Variants in ZNF609 observed in about 807,000 individuals in gnomAD.
The protein encoded by ZNF609 is zinc finger protein 609.
In ZNF609, 11 loss-of-function variants were observed where a neutral mutation model predicts 109.5. The ratio of observed to expected loss-of-function variants is 0.10; its 90% CI spans 0.06 to 0.17. ZNF609 has a LOEUF of 0.17. Among genes scored for constraint, ZNF609 ranks in the 10% least tolerant of loss-of-function variants. ZNF609 has a pLI of 1.00. For missense variants in ZNF609, 1,559 were observed against 1,772.4 expected (o/e 0.88, Z 2.16); for synonymous variants, 646 against 662.0 (o/e 0.98, Z 0.37).
chr15:64,603,879 A>G (rs1038514973), intron 2 of ZNF609, among the ~76,000 whole-genome samples: 7 of 151,522 alleles, frequency 4.6e-5, no homozygotes, highest in African/African-American at 1.7e-4. Context: ...GGCACCTGTA[A>G]TCCCAGCTAC....
At chr15:64,657,193 AG>A (rs1896502694) in intron 3 of ZNF609, among the ~76,000 whole-genome samples, 1 of 150,772 alleles carries the variant, frequency 6.6e-6, no homozygotes, top group African/African-American at 2.4e-5. Flanking sequence ...CAGGAGGTGA[AG>A]GGTTGCAGTG....
intron 2 of ZNF609, among the ~76,000 whole-genome samples, chr15:64,600,423 C>A (rs1421054317): frequency 7.4e-6 from 1 of 135,126 alleles, no homozygotes; most frequent in Non-Finnish European, 1.5e-5. Context: ...GCACTCCAGC[C>A]TGGGCGACAG....
intron 1 of ZNF609, among the ~76,000 whole-genome samples, chr15:64,492,682 T>C (rs1326021680): frequency 1.3e-5 from 2 of 152,208 alleles, no homozygotes; most frequent in African/African-American, 4.8e-5. Context: ...GTACCCAGCT[T>C]TGACTTGTCT....
At chr15:64,551,689 A>G (rs1309200615) in intron 2 of ZNF609, among the ~76,000 whole-genome samples, 1 of 148,062 alleles carries the variant, frequency 6.8e-6, no homozygotes, top group African/African-American at 2.5e-5. Context: ...TAGATGTCTC[A>G]GGGAAGGGAT....
At chr15:64,472,406 G>T (rs1029162849) in intron 1 of ZNF609, among the ~76,000 whole-genome samples, 8 of 152,198 alleles carry the variant, frequency 5.3e-5, no homozygotes, top group African/African-American at 1.9e-4. Flanking sequence ...TTAGACTGTA[G>T]TTCAGTATTT....
At chr15:64,638,592 T>C (rs1896212465) in intron 3 of ZNF609, among the ~76,000 whole-genome samples, 1 of 152,066 alleles carries the variant, frequency 6.6e-6, no homozygotes, top group Non-Finnish European at 1.5e-5. Flanking sequence ...TTTAGGGATC[T>C]TGTTTAAAAT....
chr15:64,539,470 GT>G (rs1894212659), intron 2 of ZNF609, among the ~76,000 whole-genome samples: 1 of 151,202 alleles, frequency 6.6e-6, no homozygotes, highest in South Asian at 2.1e-4. Context: ...GCCTCCCCAA[GT>G]GCTGGGATTA....
At position 64,685,110 on chromosome 15, in the gene ZNF609, A is replaced by C. The variant is rs1018216321; in HGVS notation, c.*3424A>C. On this transcript the variant is annotated 3_prime_UTR_variant, in exon 10 of 10. Transcript: ENST00000326648. ...GCGTTGCTCTGTTGAATTTAATTTC[A>C]GTCTTCCTGATTCTTCCCTTCTGTA... The C allele has an allele frequency of 1.1e-4, 17 of 152,364 alleles. No individual in the cohort carries two copies. Among genetic ancestry groups the C allele is most frequent in the African/African-American group, 3.9e-4 (16 of 41,452 alleles). 9.4% of individuals were successfully genotyped at this position (152,364 alleles called of 1,614,324 possible).
Position 64,648,824 on chromosome 15 carries a change from T to C in ZNF609, c.974-21522T>C, listed in dbSNP as rs201399289. 1.8e-4 allele frequency among the ~76,000 whole-genome samples: 28 copies of C among 152,090 alleles called. 1 individual carries two copies. The East Asian group carries it at 4.2e-3, about 23-fold the overall frequency. On this transcript the variant is annotated intron_variant, in intron 3 of 9. Coordinates refer to ENST00000326648, the MANE Select transcript of ZNF609 (RefSeq NM_015042.2). ...TGTATCTGGGACTAAGCATCCTTTC[T>C]GTATCATTAGGACTTGGGAAACTTC...
intron 2 of ZNF609, among the ~76,000 whole-genome samples, chr15:64,557,930 C>T (rs1222074150): frequency 6.6e-6 from 1 of 152,084 alleles, no homozygotes; most frequent in Admixed American, 6.6e-5. Flanking sequence ...GTGATCCGCC[C>T]GCCTCGGCCT....
chr15:64,481,847 C>T (rs1012744006), intron 1 of ZNF609, among the ~76,000 whole-genome samples: 6 of 152,108 alleles, frequency 3.9e-5, no homozygotes, highest in Admixed American at 2.0e-4. Context: ...TACAGTGGCA[C>T]GATCTCGGCT....
Position 64,678,363 on chromosome 15 carries a change from C to A in ZNF609, c.3650C>A (p.Pro1217Gln). The part of the protein sequence containing the change: ...RPSVHVPVSS[P>Q]LTQHQSYIPY... ...AGTGTCCATGTGCCTGTGTCCTCCC[C>A]ACTTACCCAGCACCAGTCCTACATC... Residue 1217 changes from proline to glutamine, a missense_variant, in exon 6 of 10, where the codon CCA becomes CAA. By Grantham distance (76) the Pro-to-Gln change is moderately conservative. Around this residue, in one of 4 missense-constraint regions of ZNF609, gnomAD observed 1,204 missense variants for 1,314.1 expected, o/e 0.92. Coordinates refer to ENST00000326648, the MANE Select transcript of ZNF609 (RefSeq NM_015042.2). 3.7e-6 allele frequency: 6 copies of A among 1,614,114 alleles called. No individual in the cohort carries two copies. The highest frequency in any genetic ancestry group is 1.1e-5 in the South Asian group (1 of 91,076).
intron 2 of ZNF609, among the ~76,000 whole-genome samples, chr15:64,551,963 G>T (rs1387679317): frequency 7.5e-6 from 1 of 133,822 alleles, no homozygotes; most frequent in Non-Finnish European, 1.7e-5. Flanking sequence ...TCCAGCCTGG[G>T]TGACAGAGTA....
chr15:64,617,275 G>T (rs530562806), intron 2 of ZNF609, among the ~76,000 whole-genome samples: 116 of 151,380 alleles, frequency 7.7e-4, no homozygotes, highest in South Asian at 8.4e-4. Flanking sequence ...TCCCATTTCA[G>T]CCTCCCAAAG....
chr15:64,511,700 A>T (rs1370550298), intron 2 of ZNF609, among the ~76,000 whole-genome samples: 1 of 148,682 alleles, frequency 6.7e-6, no homozygotes, highest in Non-Finnish European at 1.5e-5. Context: ...GTGGCTGGAG[A>T]CTCCAAGCAT....
intron 2 of ZNF609, among the ~76,000 whole-genome samples, chr15:64,601,620 C>T (rs1376198501): frequency 6.6e-6 from 1 of 152,178 alleles, no homozygotes; most frequent in African/African-American, 2.4e-5. Flanking sequence ...TTTTATTGAG[C>T]TCAAACATTT....
chr15:64,543,588 GC>G lies in ZNF609; in HGVS notation c.747+43425del, dbSNP rs1307534749. Among the ~76,000 whole-genome samples, 3 of 151,624 alleles carry G rather than the reference GC, an allele frequency of 2.0e-5. No individual in the cohort carries two copies. In the East Asian group the frequency reaches 5.8e-4, roughly 29 times the overall value. The stretch of plus-strand genomic sequence containing the variant: ...CTCCTGAGTAGCTGGGATTACAGGC[GC>G]CCTGCCACCATGCCCGGCTAATTTT... On this transcript the variant is annotated intron_variant, in intron 2 of 9. Transcript: ENST00000326648.
intron 2 of ZNF609, chr15:64,502,875 T>G (rs955263094): frequency 6.6e-6 from 1 of 152,182 alleles, no homozygotes; most frequent in East Asian, 1.9e-4. Context: ...GAGACCAGCC[T>G]AGGCAACATG....
chr15:64,644,162 A>G (rs747574515), intron 3 of ZNF609, among the ~76,000 whole-genome samples: 1 of 152,160 alleles, frequency 6.6e-6, no homozygotes, highest in African/African-American at 2.4e-5. Context: ...AAACAACAAC[A>G]TCTTGTCCAA....
Sources: allele counts gnomAD v4.1 joint callset (sites outside exome capture counted in the v4.1 genomes callset), GRCh38; gene constraint gnomAD v4.1.1; regional missense constraint gnomAD v4.1.1; transcripts MANE v1.5; gene names NCBI Gene and HGNC (gene_info 2026-07-23, HGNC 2026-07-21).